Variants in BMPR1B observed in about 807,000 individuals in gnomAD.
The protein encoded by BMPR1B is bone morphogenetic protein receptor type 1B, also known as bone morphogenetic protein receptor type-1B.
A neutral mutation model predicts 59.1 loss-of-function variants in BMPR1B; 12 were observed. The ratio of observed to expected loss-of-function variants is 0.20; its 90% CI spans 0.13 to 0.33. The LOEUF (loss-of-function observed/expected upper bound fraction) is 0.33, where lower values mean the gene tolerates loss of function less well. BMPR1B is among the 10% of genes least tolerant of loss of function. BMPR1B has a pLI of 1.00. For synonymous variants in BMPR1B, 237 were observed against 207.3 expected (o/e 1.14, Z -1.23); for missense variants, 550 against 610.9 (o/e 0.90, Z 1.05).
chr4:95,067,172 T>G (rs1386471578), intron 3 of BMPR1B, among the ~76,000 whole-genome samples: 1 of 152,194 alleles, frequency 6.6e-6, no homozygotes, highest in Non-Finnish European at 1.5e-5. Flanking sequence ...TTGTATGCCA[T>G]TTTATTCCCT....
chr4:94,853,831 AC>A (rs1236678576), intron 1 of BMPR1B, among the ~76,000 whole-genome samples: 2 of 152,186 alleles, frequency 1.3e-5, no homozygotes, highest in Non-Finnish European at 2.9e-5. Context: ...TTAAAAAAAA[AC>A]AAATGAATAA....
chr4:95,081,419 G>T (rs992928244), intron 3 of BMPR1B, among the ~76,000 whole-genome samples: 3 of 152,140 alleles, frequency 2.0e-5, no homozygotes, highest in Admixed American at 6.5e-5. Flanking sequence ...TGAATGAATT[G>T]AGCTTGCCAG....
intron 2 of BMPR1B, among the ~76,000 whole-genome samples, chr4:94,955,292 T>C: frequency 6.6e-6 from 1 of 152,298 alleles, no homozygotes; most frequent in African/African-American, 2.4e-5. Flanking sequence ...CATGATCTCC[T>C]TTTTTAAGGA....
chr4:94,837,392 G>T (rs1253742663), intron 1 of BMPR1B, among the ~76,000 whole-genome samples: 1 of 136,050 alleles, frequency 7.4e-6, no homozygotes, highest in Non-Finnish European at 1.6e-5. Flanking sequence ...CTACCCATGA[G>T]AATGGAATGT....
chr4:95,125,839 C>T (rs1732867499), intron 8 of BMPR1B, among the ~76,000 whole-genome samples: 1 of 152,082 alleles, frequency 6.6e-6, no homozygotes, highest in Non-Finnish European at 1.5e-5. Context: ...TCCTAATACC[C>T]AATACTGCTT....
At chr4:94,954,192 C>G (rs1483865970) in intron 2 of BMPR1B, among the ~76,000 whole-genome samples, 1 of 152,082 alleles carries the variant, frequency 6.6e-6, no homozygotes, top group African/African-American at 2.4e-5. Flanking sequence ...TCATCCTATT[C>G]TCTCTCTGAC....
intron 11 of BMPR1B, among the ~76,000 whole-genome samples, chr4:95,149,506 A>C (rs2149326749): frequency 6.6e-6 from 1 of 152,336 alleles, no homozygotes. Flanking sequence ...CCTAGTAAAA[A>C]CAATTATAAT....
intron 6 of BMPR1B, among the ~76,000 whole-genome samples, chr4:95,118,602 C>G (rs745953276): frequency 3.4e-4 from 52 of 152,108 alleles, no homozygotes; most frequent in Non-Finnish European, 6.6e-4. Context: ...GTTCTACTTC[C>G]CAGAGCAGTT....
At chr4:94,975,445 C>T (rs1437435066) in intron 2 of BMPR1B, among the ~76,000 whole-genome samples, 3 of 147,016 alleles carry the variant, frequency 2.0e-5, no homozygotes, top group Non-Finnish European at 3.0e-5. Flanking sequence ...CTCACTGCAG[C>T]CTCCCTTCCT....
At chr4:95,143,171 A>G (rs1734376335) in intron 10 of BMPR1B, among the ~76,000 whole-genome samples, 1 of 152,196 alleles carries the variant, frequency 6.6e-6, no homozygotes, top group Non-Finnish European at 1.5e-5. Flanking sequence ...CCTGCAGTGC[A>G]CACACGCCAT....
At chr4:95,072,820 AT>A (rs1406837774) in intron 3 of BMPR1B, among the ~76,000 whole-genome samples, 2 of 151,774 alleles carry the variant, frequency 1.3e-5, no homozygotes, top group African/African-American at 2.4e-5. Flanking sequence ...TTCATTAATC[AT>A]TTTTAATTAA....
intron 3 of BMPR1B, among the ~76,000 whole-genome samples, chr4:95,092,566 T>A (rs1173012839): frequency 6.6e-6 from 1 of 152,106 alleles, no homozygotes; most frequent in African/African-American, 2.4e-5. Context: ...ATATATATAC[T>A]ATATTTTATA....
intron 1 of BMPR1B, among the ~76,000 whole-genome samples, chr4:94,800,358 A>T (rs143990881): frequency 5.7e-4 from 86 of 151,956 alleles, no homozygotes; most frequent in African/African-American, 2.0e-3. Context: ...TAAAACAGGG[A>T]TTGGTAAATT....
At chr4:94,881,332 GT>G (rs933028387) in intron 2 of BMPR1B, among the ~76,000 whole-genome samples, 39 of 152,182 alleles carry the variant, frequency 2.6e-4, no homozygotes, top group African/African-American at 9.4e-4. Context: ...CATGTTTCTT[GT>G]TTTGGTTTTG....
chr4:95,061,964 G>T (rs540086992), intron 3 of BMPR1B, among the ~76,000 whole-genome samples: 81 of 152,122 alleles, frequency 5.3e-4, no homozygotes, highest in African/African-American at 1.7e-3. Flanking sequence ...AAAGTGTGTG[G>T]CACTTCCCCA....
chr4:95,067,038 C>T (rs1207587001), intron 3 of BMPR1B, among the ~76,000 whole-genome samples: 4 of 152,178 alleles, frequency 2.6e-5, no homozygotes, highest in African/African-American at 9.6e-5. Context: ...ATCCATGCAT[C>T]TCTGAAGGAT....
intron 2 of BMPR1B, among the ~76,000 whole-genome samples, chr4:94,896,042 CA>C (rs1727573337): frequency 6.6e-6 from 1 of 151,944 alleles, no homozygotes; most frequent in East Asian, 1.9e-4. Flanking sequence ...GCAAGGATAG[CA>C]GTAAAACTTT....
At chr4:94,950,997 A>G (rs542590364) in intron 2 of BMPR1B, among the ~76,000 whole-genome samples, 1 of 152,266 alleles carries the variant, frequency 6.6e-6, no homozygotes, top group Admixed American at 6.5e-5. Context: ...GGTCCTTCCC[A>G]TCCCTTGTAA....
intron 2 of BMPR1B, among the ~76,000 whole-genome samples, chr4:94,990,125 A>G (rs1346580049): frequency 6.6e-6 from 1 of 152,216 alleles, no homozygotes; most frequent in Non-Finnish European, 1.5e-5. Flanking sequence ...TGGGAGGCCA[A>G]GGTGGGTGGA....
Sources: gnomAD v4.1 joint callset for allele counts (sites outside exome capture counted in the v4.1 genomes callset) on GRCh38, gnomAD v4.1.1 for gene constraint, MANE v1.5 for transcripts, NCBI Gene and HGNC (gene_info 2026-07-23, HGNC 2026-07-21) for gene names.